Variants in XKR4 observed in about 807,000 individuals in gnomAD.
XKR4 encodes XK related 4.
XKR4 carries 12 observed loss-of-function variants against 53.9 expected under a neutral mutation model. The observed-to-expected ratio is 0.22, with a 90% CI of 0.14 to 0.36. XKR4 has a LOEUF of 0.36. Among genes scored for constraint, XKR4 ranks in the 10% least tolerant of loss-of-function variants. The pLI is 1.00. For synonymous variants in XKR4, 354 were observed against 362.4 expected, an observed-to-expected ratio of 0.98 and a Z score of 0.26; for missense variants, 799 against 859.5, an observed-to-expected ratio of 0.93 and a Z score of 0.88.
At chr8:55,137,203 A>G (rs1252951655) in intron 1 of XKR4, among the ~76,000 whole-genome samples, 1 of 152,172 alleles carries the variant, frequency 6.6e-6, no homozygotes, top group Non-Finnish European at 1.5e-5. Flanking sequence ...ACAAAGTCAA[A>G]AGAAAGTTGG....
chr8:55,468,332 T>G (rs1393614281), intron 2 of XKR4, among the ~76,000 whole-genome samples: 3 of 152,188 alleles, frequency 2.0e-5, no homozygotes, highest in African/African-American at 7.2e-5. Context: ...TGTCTTGGAC[T>G]GTCAGTTTAC....
At chr8:55,453,551 C>CCCA (rs1554527141) in intron 2 of XKR4, 3 of 379,096 alleles carry the variant, frequency 7.9e-6, no homozygotes, top group Non-Finnish European at 5.1e-6. Context: ...GGCAGTCATG[C>CCCA]GGGGCCCTGA....
At chr8:55,428,905 T>G (rs563440672) in intron 2 of XKR4, among the ~76,000 whole-genome samples, 1 of 152,340 alleles carries the variant, frequency 6.6e-6, no homozygotes, top group African/African-American at 2.4e-5. Flanking sequence ...CAATAGTGTT[T>G]CTAGATAAAG....
intron 2 of XKR4, among the ~76,000 whole-genome samples, chr8:55,364,696 G>A (rs575994288): frequency 4.6e-5 from 7 of 152,142 alleles, no homozygotes. Context: ...GCAGTGGTGC[G>A]ATCTTGGCTC....
intron 1 of XKR4, among the ~76,000 whole-genome samples, chr8:55,105,349 G>A (rs993525010): frequency 2.0e-5 from 3 of 151,056 alleles, no homozygotes; most frequent in Non-Finnish European, 4.4e-5. Flanking sequence ...TATTTCAGAG[G>A]TAGGGAGTGG....
At chr8:55,240,724 G>A (rs1057067958) in intron 1 of XKR4, among the ~76,000 whole-genome samples, 9 of 152,106 alleles carry the variant, frequency 5.9e-5, no homozygotes, top group Non-Finnish European at 1.2e-4. Context: ...AAAAGAGAGA[G>A]AAAGAGCTTT....
intron 2 of XKR4, among the ~76,000 whole-genome samples, chr8:55,503,141 AT>A (rs554396117): frequency 6.6e-5 from 10 of 150,782 alleles, no homozygotes; most frequent in African/African-American, 1.7e-4. Context: ...TGTGATTCAA[AT>A]TTTTTTTTCA....
chr8:55,441,144 G>A (rs1458706010), intron 2 of XKR4, among the ~76,000 whole-genome samples: 3 of 152,078 alleles, frequency 2.0e-5, no homozygotes, highest in Non-Finnish European at 2.9e-5. Context: ...GGAAGCTGAG[G>A]TGGGAGGATC....
intron 1 of XKR4, among the ~76,000 whole-genome samples, chr8:55,283,241 C>T (rs2129374172): frequency 6.6e-6 from 1 of 152,322 alleles, no homozygotes; most frequent in South Asian, 2.1e-4. Context: ...GTGTTATTAT[C>T]ATATGCCTGG....
chr8:55,141,483 C>T (rs910414240), intron 1 of XKR4, among the ~76,000 whole-genome samples: 1 of 151,986 alleles, frequency 6.6e-6, no homozygotes, highest in Non-Finnish European at 1.5e-5. Flanking sequence ...TAGGGTCACA[C>T]GAGTCAGAAA....
At chr8:55,298,579 G>A (rs1245682845) in intron 1 of XKR4, among the ~76,000 whole-genome samples, 1 of 152,072 alleles carries the variant, frequency 6.6e-6, no homozygotes, top group Non-Finnish European at 1.5e-5. Context: ...TGGAGGGAGG[G>A]CAGCAAGCCA....
chr8:55,351,489 C>T (rs186587198), intron 1 of XKR4, among the ~76,000 whole-genome samples: 1 of 152,274 alleles, frequency 6.6e-6, no homozygotes, highest in African/African-American at 2.4e-5. Context: ...AAACAAACAG[C>T]TGGGAGTATA....
Position 55,524,379 on chromosome 8 carries a change from G to C in XKR4, c.*152G>C, listed in dbSNP as rs1806851188. 1 of 792,884 alleles carries C rather than the reference G, an allele frequency of 1.3e-6. No homozygotes were observed. The allele number at this position is 792,884 out of a possible 1,614,324, so 49.1% of individuals were successfully genotyped here. A position where few individuals can be genotyped will look rare whatever the true frequency, so the allele number is the denominator to read the frequency against. On this transcript the variant is annotated 3_prime_UTR_variant, in exon 3 of 3. Coordinates refer to ENST00000327381, the MANE Select transcript of XKR4 (RefSeq NM_052898.2). ...ATTATCATTTGATCCTGTCGGCTGG[G>C]GGCGGCTGGTCTCCTTCCAAAGCAG... is the stretch of plus-strand genomic sequence containing the variant.
intron 2 of XKR4, among the ~76,000 whole-genome samples, chr8:55,492,031 C>G (rs1460292121): frequency 1.3e-5 from 2 of 152,222 alleles, no homozygotes; most frequent in Non-Finnish European, 2.9e-5. Flanking sequence ...CTCTCCTGAA[C>G]ACTGACATCT....
At chr8:55,508,205 G>A (rs10112700) in intron 2 of XKR4, among the ~76,000 whole-genome samples, 2 of 151,986 alleles carry the variant, frequency 1.3e-5, no homozygotes, top group Admixed American at 6.5e-5. Flanking sequence ...AGGAATGCAC[G>A]TTGGATTCTT....
At chr8:55,497,031 A>C (rs889105471) in intron 2 of XKR4, among the ~76,000 whole-genome samples, 2 of 152,198 alleles carry the variant, frequency 1.3e-5, no homozygotes, top group African/African-American at 4.8e-5. Context: ...ATGTCCGGTA[A>C]ATACATCCAT....
At chr8:55,450,982 C>T (rs1805432170) in intron 2 of XKR4, 16 of 533,312 alleles carry the variant, frequency 3.0e-5, no homozygotes, top group South Asian at 2.0e-4. Flanking sequence ...GTAGGGCAGC[C>T]CAGGACACAT....
chr8:55,112,562 G>GTTTTTTTTTT lies in XKR4; in HGVS notation c.806+9285_806+9294dup, dbSNP rs761779642. Among the ~76,000 whole-genome samples the GTTTTTTTTTT allele has an allele frequency of 5.1e-3, 392 of 77,200 alleles. 70 individuals carry two copies. Among genetic ancestry groups the GTTTTTTTTTT allele is most frequent in the African/African-American group, 7.2e-3 (140 of 19,410 alleles). 50.6% of individuals were successfully genotyped at this position (77,200 alleles called of 152,430 possible). On this transcript the variant is annotated intron_variant, in intron 1 of 2. Transcript: ENST00000327381. ...TGGGGCTGAATTCTTTACTTTTCAG[G>GTTTTTTTTTT]TTTTTTTTTTTTTTTTTTTTTTTTT... is the stretch of plus-strand genomic sequence containing the variant.
chr8:55,127,084 G>A (rs1816477390), intron 1 of XKR4, among the ~76,000 whole-genome samples: 1 of 152,056 alleles, frequency 6.6e-6, no homozygotes, highest in Admixed American at 6.6e-5. Context: ...GGAGTACTGT[G>A]GGAAGACAGT....
Sources: gnomAD v4.1 joint callset for allele counts (sites outside exome capture counted in the v4.1 genomes callset) on GRCh38, gnomAD v4.1.1 for gene constraint, MANE v1.5 for transcripts, NCBI Gene and HGNC (gene_info 2026-07-23, HGNC 2026-07-21) for gene names.